The following DSC2 variants were observed in gnomAD, a reference collection of about 807,000 sequenced individuals.
DSC2 encodes the protein desmocollin 2, also known as desmocollin-2.
Under a neutral mutation model 87.6 loss-of-function variants are expected in DSC2, and 51 were observed. The ratio of observed to expected loss-of-function variants is 0.58; its 90% CI spans 0.46 to 0.74. The LOEUF is 0.74. Ranked by LOEUF, DSC2 falls within the 30% of genes least tolerant of loss-of-function variation. The pLI is 0.00. For synonymous variants in DSC2, 383 were observed against 393.2 expected (o/e 0.97, Z 0.31); for missense variants, 1,066 against 1,089.5 (o/e 0.98, Z 0.30).
In DSC2 at chr18:31,101,500, A is replaced by C; in HGVS notation, c.69+403T>G. 3.1e-5 allele frequency: 2 copies of C among 65,242 alleles called. 1 individual carries two copies. Among genetic ancestry groups the C allele is most frequent in the Non-Finnish European group, 5.3e-5 (2 of 37,408 alleles). The allele number at this position is 65,242 out of a possible 1,614,324, so 4.0% of individuals were successfully genotyped here. On this transcript the variant is annotated intron_variant, in intron 1 of 15. Transcript: ENST00000280904. ...GCCGCACGTTCCCGGGGAAGGTGCC[A>C]GAGGCCAGCTGGACGGCCCCGGCGC...
rs903095127 is a variant in DSC2, at chr18:31,061,354, G to A, written c.*6661C>T. ...TCAGCTATGCCCAGATTTTCTGTAG[G>A]GATACAAAGGTACAGTCACAAAGGG... On this transcript the variant is annotated 3_prime_UTR_variant, in exon 16 of 16. Coordinates refer to ENST00000280904, the MANE Select transcript of DSC2 (RefSeq NM_024422.6). The A allele has an allele frequency of 1.3e-5, 2 of 152,096 alleles. No homozygotes were observed. The highest frequency in any genetic ancestry group is 2.9e-5 in the Non-Finnish European group (2 of 68,010). The allele number at this position is 152,096 out of a possible 1,614,324, so 9.4% of individuals were successfully genotyped here.
rs1986565210 is a variant in DSC2, at chr18:31,064,425, GTATT to G, written c.*3586_*3589del. The stretch of plus-strand genomic sequence containing the variant: ...ATCAAATGACTACAGTACAAACAAA[GTATT>G]TAATGAATGAAATTGTGTCTACAAT... On this transcript the variant is annotated 3_prime_UTR_variant, in exon 16 of 16. Transcript: ENST00000280904. The G allele has an allele frequency of 6.6e-6, 1 of 152,118 alleles. No homozygotes were observed. The highest frequency in any genetic ancestry group is 1.5e-5 in the Non-Finnish European group (1 of 68,016). 9.4% of individuals were successfully genotyped at this position (152,118 alleles called of 1,614,324 possible). A position where few individuals can be genotyped will look rare whatever the true frequency, so the allele number is the denominator to read the frequency against.
In DSC2 at chr18:31,091,017, G is replaced by GA. The variant is rs1987575782; in HGVS notation, c.474+10dup. 6.2e-7 allele frequency: 1 copy of GA among 1,613,784 alleles called. No homozygotes were observed. The highest frequency in any genetic ancestry group is 8.5e-7 in the Non-Finnish European group (1 of 1,179,884). ...TATAGACTCCCACAGCAGAAAGAAA[G>GA]AAAACGGTACCTGTTGAAGGAAAAG... is the stretch of plus-strand genomic sequence containing the variant. On this transcript the variant is annotated intron_variant, in intron 4 of 15. Coordinates refer to ENST00000280904, the MANE Select transcript of DSC2 (RefSeq NM_024422.6).
At chr18:31,071,475 G>A (rs751391783) in intron 13 of DSC2, 130 bp downstream of exon 13, 5 of 810,198 alleles carry the variant, frequency 6.2e-6, no homozygotes, top group Admixed American at 1.9e-5. Flanking sequence ...GGAATCCAGA[G>A]GCAGAGTCTG....
chr18:31,081,345 A>G (rs190163878), intron 9 of DSC2, among the ~76,000 whole-genome samples: 127 of 152,264 alleles, frequency 8.3e-4, no homozygotes, highest in Non-Finnish European at 1.6e-3. Flanking sequence ...CCTGATATGT[A>G]GTTGTAATGA....
chr18:31,092,414 T>A, intron 2 of DSC2, 114 bp from the exon 3 acceptor site: 1 of 849,476 alleles, frequency 1.2e-6, no homozygotes, highest in East Asian at 2.7e-5. Flanking sequence ...TACTGACACT[T>A]GTAAATTTTT....
chr18:31,083,382 T>C (rs1987296956), intron 7 of DSC2, among the ~76,000 whole-genome samples: 1 of 152,162 alleles, frequency 6.6e-6, no homozygotes, highest in Non-Finnish European at 1.5e-5. Context: ...TTTATGAAAA[T>C]TGAATAGTTT....
intron 5 of DSC2, among the ~76,000 whole-genome samples, 163 bp from the exon 6 acceptor site, chr18:31,087,976 G>T (rs1199843247): frequency 1.3e-5 from 2 of 152,070 alleles, no homozygotes; most frequent in Admixed American, 1.3e-4. Context: ...ATGCCAAAGA[G>T]GTGCCTAATT....
At chr18:31,069,173 T>G in intron 14 of DSC2, 22 bp from the exon 15 acceptor site, 2 of 1,613,902 alleles carry the variant, frequency 1.2e-6, no homozygotes, top group Non-Finnish European at 1.7e-6. Context: ...ACAATTTGCA[T>G]TAGGGATAAT....
chr18:31,087,916 A>G (rs1208273870), intron 5 of DSC2, 103 bp from the exon 6 acceptor site: 4 of 1,153,518 alleles, frequency 3.5e-6, no homozygotes, highest in Non-Finnish European at 3.8e-6. Context: ...TCAGAACTAC[A>G]GTATGAGTCT....
intron 1 of DSC2, among the ~76,000 whole-genome samples, chr18:31,098,587 T>G (rs960597704): frequency 1.3e-5 from 2 of 152,066 alleles, no homozygotes; most frequent in Admixed American, 1.3e-4. Context: ...CCCAAGTAGA[T>G]GGGATTATAG....
At chr18:31,083,485 C>T (rs1038445184) in intron 7 of DSC2, among the ~76,000 whole-genome samples, 1 of 151,828 alleles carries the variant, frequency 6.6e-6, no homozygotes, top group Admixed American at 6.6e-5. Flanking sequence ...GCCACAAGTG[C>T]ATTTAAAATT....
At chr18:31,082,032 T>C (rs1987234904) in intron 9 of DSC2, among the ~76,000 whole-genome samples, 1 of 150,720 alleles carries the variant, frequency 6.6e-6, no homozygotes, top group Admixed American at 6.6e-5. Flanking sequence ...TTGTATTATA[T>C]GGACTTTTTA....
At position 31,067,920 on chromosome 18, in the gene DSC2, CA is replaced by C; in HGVS notation, c.*94del. On this transcript the variant is annotated 3_prime_UTR_variant, in exon 16 of 16. Transcript: ENST00000280904. ...ATCCAAATAATGAGAGAAAAACCCC[CA>C]CAAATAGCATCTTCTGCTTTAAAAA... 8.7e-7 allele frequency: 1 copy of C among 1,151,132 alleles called. No individual in the cohort carries two copies. Among genetic ancestry groups the C allele is most frequent in the South Asian group, 1.3e-5 (1 of 75,810 alleles). The allele number at this position is 1,151,132 out of a possible 1,614,324, so 71.3% of individuals were successfully genotyped here.
chr18:31,069,184 A>G (rs1179725703), intron 14 of DSC2, 33 bp from the exon 15 acceptor site: 2 of 1,613,532 alleles, frequency 1.2e-6, no homozygotes, highest in East Asian at 4.5e-5. Context: ...TAGGGATAAT[A>G]CAGAGAGGAA....
Position 31,069,259 on chromosome 18 carries a change from G to A in DSC2, c.2251-108C>T, listed in dbSNP as rs1169737884. On this transcript the variant is annotated intron_variant, in intron 14 of 15. Transcript: ENST00000280904. ...CCTTTTTTTGTGTGTATGCTAGAAG[G>A]TAAGCTCTCTGAGAGCAGGAACTAA... 8.7e-6 allele frequency: 12 copies of A among 1,382,056 alleles called. No homozygotes were observed. The East Asian group carries it at 9.5e-5, about 11-fold the overall frequency. The allele number at this position is 1,382,056 out of a possible 1,614,324, so 85.6% of individuals were successfully genotyped here.
At chr18:31,082,583 T>C (rs1217611703) in intron 8 of DSC2, among the ~76,000 whole-genome samples, 160 bp from the exon 9 acceptor site, 1 of 152,212 alleles carries the variant, frequency 6.6e-6, no homozygotes, top group African/African-American at 2.4e-5. Flanking sequence ...GGCACTTCAT[T>C]TGAAATCATG....
At chr18:31,077,533 CT>C (rs1205883924) in intron 11 of DSC2, among the ~76,000 whole-genome samples, 3 of 152,154 alleles carry the variant, frequency 2.0e-5, no homozygotes, top group East Asian at 1.9e-4. Context: ...AAACTCCAAT[CT>C]TTTTTTGCAC....
intron 3 of DSC2, 130 bp from the exon 4 acceptor site, chr18:31,091,277 A>T: frequency 9.7e-7 from 1 of 1,033,668 alleles, no homozygotes. Context: ...AGTGCTTGAA[A>T]ACCAAACTAA....
Sources: allele counts gnomAD v4.1 joint callset (sites outside exome capture counted in the v4.1 genomes callset), GRCh38; gene constraint gnomAD v4.1.1; transcripts MANE v1.5; gene names NCBI Gene and HGNC (gene_info 2026-07-23, HGNC 2026-07-21).